Variants in PRKD1 observed in about 807,000 individuals in gnomAD.
PRKD1 encodes protein kinase D1, also known as serine/threonine-protein kinase D1.
PRKD1 carries 63 observed loss-of-function variants against 95.9 expected under a neutral mutation model. The ratio of observed to expected loss-of-function variants is 0.66; its 90% CI spans 0.54 to 0.81. PRKD1 has a LOEUF of 0.81. Among genes scored for constraint, PRKD1 ranks in the 30% least tolerant of loss-of-function variants. The pLI is 0.00. For missense variants in PRKD1, 1,048 were observed against 1,165.3 expected (o/e 0.90, Z 1.47); for synonymous variants, 425 against 423.1 (o/e 1.00, Z -0.05).
At chr14:29,585,466 G>A (rs1892888616) in intron 16 of PRKD1, among the ~76,000 whole-genome samples, 1 of 152,140 alleles carries the variant, frequency 6.6e-6, no homozygotes, top group African/African-American at 2.4e-5. Context: ...CCTGAAAACT[G>A]GGGATATGAT....
In PRKD1 at chr14:29,757,502, C is replaced by T. The variant is rs80220330; in HGVS notation, c.265-31828G>A. ...CATAGCAATCCAGGAGACTGACTGA[C>T]GGTTCAGTATGCCTAGGATAAATCA... On this transcript the variant is annotated intron_variant, in intron 1 of 17. Coordinates refer to ENST00000331968, the MANE Select transcript of PRKD1 (RefSeq NM_002742.3). Among the ~76,000 whole-genome samples the T allele has an allele frequency of 3.7e-4, 56 of 152,130 alleles. No individual in the cohort carries two copies. In the East Asian group the frequency reaches 6.4e-3, roughly 17 times the overall value.
chr14:29,701,233 TG>T (rs754973589), intron 2 of PRKD1, among the ~76,000 whole-genome samples: 12 of 152,158 alleles, frequency 7.9e-5, no homozygotes, highest in Non-Finnish European at 1.8e-4. Context: ...CAGCATCACC[TG>T]GAAATTTGTT....
chr14:29,912,572 A>G (rs1408738516), intron 1 of PRKD1, among the ~76,000 whole-genome samples: 2 of 152,236 alleles, frequency 1.3e-5, no homozygotes, highest in Admixed American at 1.3e-4. Flanking sequence ...CATGACTCTG[A>G]ACATCTTAAG....
chr14:29,816,278 T>G (rs1371193949), intron 1 of PRKD1, among the ~76,000 whole-genome samples: 1 of 152,132 alleles, frequency 6.6e-6, no homozygotes, highest in African/African-American at 2.4e-5. Context: ...TCATTAAAAC[T>G]CTTCTTAGAA....
chr14:29,718,572 C>T (rs1444424896), intron 2 of PRKD1, among the ~76,000 whole-genome samples: 1 of 152,084 alleles, frequency 6.6e-6, no homozygotes, highest in Admixed American at 6.6e-5. Context: ...GCTGAAGACA[C>T]ATTTAACATA....
rs141156727 is a variant in PRKD1 at position 29,808,439 on chromosome 14, G to A, written c.265-82765C>T. 5.1e-3 allele frequency among the ~76,000 whole-genome samples: 531 copies of A among 103,466 alleles called. 4 individuals carry two copies. In the Middle Eastern group the frequency reaches 0.059, roughly 11 times the overall value. 67.9% of individuals were successfully genotyped at this position (103,466 alleles called of 152,430 possible). A position where few individuals can be genotyped will look rare whatever the true frequency, so the allele number is the denominator to read the frequency against. On this transcript the variant is annotated intron_variant, in intron 1 of 17. Transcript: ENST00000331968. The stretch of plus-strand genomic sequence containing the variant: ...TTGAGATGGGAGTTTTGCTCTTGTC[G>A]CCCAGGTTGGAGTACAATAGTGTTG...
chr14:29,927,623 G>C lies in PRKD1; in HGVS notation c.-111C>G. 2 of 859,156 alleles carry C rather than the reference G, an allele frequency of 2.3e-6. No homozygotes were observed. Among genetic ancestry groups the C allele is most frequent in the Non-Finnish European group, 2.8e-6 (2 of 710,906 alleles). The allele number at this position is 859,156 out of a possible 1,614,324, so 53.2% of individuals were successfully genotyped here. On this transcript the variant is annotated 5_prime_UTR_variant, in exon 1 of 18. Coordinates refer to ENST00000331968, the MANE Select transcript of PRKD1 (RefSeq NM_002742.3). ...GCTTCTTTCTCCGAGAGCCCAGACG[G>C]AAAATAAAAACTTTCCGGAAAAGTC... is the stretch of plus-strand genomic sequence containing the variant.
intron 2 of PRKD1, among the ~76,000 whole-genome samples, chr14:29,675,949 A>G (rs181726536): frequency 1.6e-3 from 217 of 132,160 alleles, no homozygotes; most frequent in African/African-American, 4.5e-3. Flanking sequence ...TGGACACAGG[A>G]AGGGGAACAT....
chr14:29,679,439 G>T (rs2139261857), intron 2 of PRKD1, among the ~76,000 whole-genome samples: 1 of 152,108 alleles, frequency 6.6e-6, no homozygotes, highest in African/African-American at 2.4e-5. Context: ...GGATTATTTT[G>T]ACACTCAGCA....
chr14:29,636,632 T>C (rs1003138580), intron 6 of PRKD1, 138 bp from the exon 7 acceptor site: 2 of 852,208 alleles, frequency 2.3e-6, no homozygotes, highest in Non-Finnish European at 1.8e-6. Flanking sequence ...TTTTATTTTT[T>C]AACTTTTATT....
At chr14:29,858,628 A>AT (rs1034315833) in intron 1 of PRKD1, among the ~76,000 whole-genome samples, 83 of 149,906 alleles carry the variant, frequency 5.5e-4, no homozygotes, top group East Asian at 5.9e-4. Context: ...TTCCCCTGGG[A>AT]TTTTTTTTTT....
chr14:29,787,104 A>C (rs1889307633), intron 1 of PRKD1, among the ~76,000 whole-genome samples: 1 of 151,094 alleles, frequency 6.6e-6, no homozygotes, highest in African/African-American at 2.4e-5. Context: ...CATATAGGAG[A>C]GTGCTATTTA....
intron 16 of PRKD1, among the ~76,000 whole-genome samples, chr14:29,582,376 T>C (rs1413576598): frequency 1.3e-5 from 2 of 151,300 alleles, no homozygotes; most frequent in Non-Finnish European, 2.9e-5. Context: ...GAGCTTCTTG[T>C]TGAATAATTT....
intron 1 of PRKD1, among the ~76,000 whole-genome samples, chr14:29,805,867 T>A (rs1890210924): frequency 6.6e-6 from 1 of 152,048 alleles, no homozygotes. Context: ...AAGTTGCCAA[T>A]GAAGGGGAAT....
chr14:29,588,181 C>T (rs1893002400), intron 16 of PRKD1, among the ~76,000 whole-genome samples: 1 of 152,108 alleles, frequency 6.6e-6, no homozygotes, highest in Non-Finnish European at 1.5e-5. Context: ...CTCATCTACC[C>T]GAGGCTTATT....
At chr14:29,737,258 C>T (rs1284373369) in intron 1 of PRKD1, among the ~76,000 whole-genome samples, 2 of 132,330 alleles carry the variant, frequency 1.5e-5, no homozygotes, top group African/African-American at 5.6e-5. Flanking sequence ...GGAAGCGGAG[C>T]TTGCAGTGAG....
At chr14:29,811,352 G>A (rs1010395632) in intron 1 of PRKD1, among the ~76,000 whole-genome samples, 6 of 152,106 alleles carry the variant, frequency 3.9e-5, no homozygotes, top group Non-Finnish European at 8.8e-5. Context: ...CCTTCCAGCT[G>A]CCAGAGCAAT....
At chr14:29,750,349 ACTT>A (rs907023381) in intron 1 of PRKD1, among the ~76,000 whole-genome samples, 3 of 152,228 alleles carry the variant, frequency 2.0e-5, no homozygotes, top group Admixed American at 1.3e-4. Context: ...TATAAACAAA[ACTT>A]AAGTTCCTAC....
intron 1 of PRKD1, among the ~76,000 whole-genome samples, chr14:29,737,790 T>C (rs1886799769): frequency 6.6e-6 from 1 of 152,244 alleles, no homozygotes; most frequent in Non-Finnish European, 1.5e-5. Context: ...TGAGGTCTAC[T>C]GGATCATTTG....
Sources: gnomAD v4.1 joint callset for allele counts (sites outside exome capture counted in the v4.1 genomes callset) on GRCh38, gnomAD v4.1.1 for gene constraint, MANE v1.5 for transcripts, NCBI Gene and HGNC (gene_info 2026-07-23, HGNC 2026-07-21) for gene names.